Variants in COL4A3 observed in about 807,000 individuals in gnomAD.
COL4A3 encodes collagen type IV alpha 3 chain, also known as collagen alpha-3(IV) chain.
In COL4A3, 135 loss-of-function variants were observed where a neutral mutation model predicts 217.4. That is an observed-to-expected ratio of 0.62 (90% confidence interval 0.54 to 0.72). The LOEUF (loss-of-function observed/expected upper bound fraction) is 0.72. Among genes scored for constraint, COL4A3 ranks in the 30% least tolerant of loss-of-function variants. COL4A3 has a pLI of 0.00. For missense variants in COL4A3, 1,868 were observed against 2,119.9 expected (o/e 0.88, Z 2.33); for synonymous variants, 690 against 736.3 (o/e 0.94, Z 1.02).
intron 1 of COL4A3, among the ~76,000 whole-genome samples, chr2:227,205,649 T>C (rs750171188): frequency 6.6e-5 from 10 of 152,128 alleles, no homozygotes; most frequent in Non-Finnish European, 1.2e-4. Context: ...TCAATAATAG[T>C]ATTACATTCC....
At chr2:227,241,187 A>C (rs974890870) in intron 3 of COL4A3, among the ~76,000 whole-genome samples, 1 of 152,188 alleles carries the variant, frequency 6.6e-6, no homozygotes, top group African/African-American at 2.4e-5. Context: ...TAAATAACTG[A>C]ATAACCACTG....
intron 4 of COL4A3, 77 bp downstream of exon 4, chr2:227,244,441 G>A: frequency 7.6e-7 from 1 of 1,321,922 alleles, no homozygotes; most frequent in Non-Finnish European, 1.1e-6. Flanking sequence ...ATGTCAGAAA[G>A]GAGTACACTG....
intron 1 of COL4A3, among the ~76,000 whole-genome samples, chr2:227,182,715 G>A (rs1463900871): frequency 6.6e-6 from 1 of 152,076 alleles, no homozygotes. Context: ...GGAAAAAACA[G>A]ATTTGTAATA....
chr2:227,284,955 A>G (rs1170645856), intron 34 of COL4A3, among the ~76,000 whole-genome samples: 1 of 152,192 alleles, frequency 6.6e-6, no homozygotes, highest in African/African-American at 2.4e-5. Context: ...GATATGATCA[A>G]TACGACCAAT....
At chr2:227,306,092 G>A (rs993658831) in intron 47 of COL4A3, among the ~76,000 whole-genome samples, 10 of 152,084 alleles carry the variant, frequency 6.6e-5, no homozygotes, top group African/African-American at 9.7e-5. Context: ...CTTAAAGTGT[G>A]GTTTTTGAAG....
intron 46 of COL4A3, 47 bp downstream of exon 46, chr2:227,304,191 C>G: frequency 6.2e-7 from 1 of 1,611,292 alleles, no homozygotes; most frequent in Non-Finnish European, 8.5e-7. Flanking sequence ...AGTGGTTGAA[C>G]CAAAATACCT....
In COL4A3 at chr2:227,298,823, A is replaced by G. The variant is rs762961056; in HGVS notation, c.3882+11A>G. 6 of 1,612,440 alleles carry G rather than the reference A, an allele frequency of 3.7e-6. No homozygotes were observed. The South Asian group carries it at 6.6e-5, about 18-fold the overall frequency. ...CCACCAGGTCGTCTGGTGAGTATGG[A>G]TAATTATTTTGACTCATTATTAATT... On this transcript the variant is annotated intron_variant, in intron 43 of 51. Transcript: ENST00000396578.
chr2:227,255,578 T>C (rs759745380), intron 15 of COL4A3, among the ~76,000 whole-genome samples: 3 of 152,208 alleles, frequency 2.0e-5, no homozygotes, highest in Non-Finnish European at 4.4e-5. Flanking sequence ...CACTATATCT[T>C]TTATACATAT....
intron 20 of COL4A3, 88 bp from the exon 21 acceptor site, chr2:227,263,692 T>C (rs2070727738): frequency 2.3e-6 from 3 of 1,333,212 alleles, no homozygotes; most frequent in Admixed American, 4.4e-5. Flanking sequence ...TTTTTATAAA[T>C]AAAATTAAAT....
intron 47 of COL4A3, chr2:227,305,642 C>A (rs2073467931): frequency 7.3e-6 from 1 of 137,496 alleles, no homozygotes; most frequent in African/African-American, 2.8e-5. Context: ...GCACTCCAAC[C>A]TGGGTGACAG....
intron 47 of COL4A3, among the ~76,000 whole-genome samples, chr2:227,307,400 A>C (rs2073552716): frequency 4.6e-5 from 7 of 152,218 alleles, no homozygotes; most frequent in Admixed American, 4.6e-4. Flanking sequence ...ATTTATTCAT[A>C]AAAAACATAC....
intron 2 of COL4A3, among the ~76,000 whole-genome samples, chr2:227,238,689 TA>T (rs1285238900): frequency 6.6e-6 from 1 of 152,172 alleles, no homozygotes; most frequent in African/African-American, 2.4e-5. Flanking sequence ...ATGACTATTT[TA>T]AAATATTTTA....
At chr2:227,296,294 A>T (rs1480855995) in intron 41 of COL4A3, 1 of 153,696 alleles carries the variant, frequency 6.5e-6, no homozygotes, top group Non-Finnish European at 1.4e-5. Context: ...TAGCTTTAGA[A>T]TTTTGGTCAA....
At chr2:227,190,865 C>A (rs2066211101) in intron 1 of COL4A3, among the ~76,000 whole-genome samples, 1 of 152,174 alleles carries the variant, frequency 6.6e-6, no homozygotes, top group Non-Finnish European at 1.5e-5. Flanking sequence ...CAAGACCATG[C>A]CACTGCACTC....
chr2:227,288,893 G>A (rs1441602580), intron 34 of COL4A3, among the ~76,000 whole-genome samples: 3 of 151,568 alleles, frequency 2.0e-5, no homozygotes, highest in Non-Finnish European at 4.4e-5. Context: ...AAACCAGGAT[G>A]TGGATGGGTC....
Position 227,277,509 on chromosome 2 carries a change from C to A in COL4A3, c.2081C>A (p.Pro694Gln). The part of the protein sequence containing the change: ...DPGLPGPDGE[P>Q]GIPGIGFPGP... Reference sequence around the variant, plus strand: ...GGTCTTCCAGGGCCTGATGGTGAACCAGGAATTCCAGGAATTGGATTTCCT... The same window carrying A: ...GGTCTTCCAGGGCCTGATGGTGAACAAGGAATTCCAGGAATTGGATTTCCT... Residue 694 changes from proline (P) to glutamine (Q), a missense_variant, in exon 28 of 52, where the codon CCA (proline) becomes CAA (glutamine). By Grantham distance (76) the Pro-to-Gln change is moderately conservative. Coordinates refer to ENST00000396578, the MANE Select transcript of COL4A3 (RefSeq NM_000091.5). 6.2e-7 allele frequency: 1 copy of A among 1,612,458 alleles called. No homozygotes were observed. The highest frequency in any genetic ancestry group is 2.2e-5 in the East Asian group (1 of 44,868).
intron 23 of COL4A3, among the ~76,000 whole-genome samples, chr2:227,269,252 A>G (rs1452213918): frequency 6.6e-6 from 1 of 152,254 alleles, no homozygotes; most frequent in Non-Finnish European, 1.5e-5. Flanking sequence ...CACTTTTAAA[A>G]ATTTATTATA....
intron 23 of COL4A3, among the ~76,000 whole-genome samples, chr2:227,267,443 A>C (rs2070969190): frequency 6.6e-6 from 1 of 152,090 alleles, no homozygotes; most frequent in African/African-American, 2.4e-5. Flanking sequence ...TTTTTTTCTC[A>C]AAAGACACAA....
chr2:227,236,427 G>GTT (rs35474987), intron 1 of COL4A3, among the ~76,000 whole-genome samples: 9 of 151,954 alleles, frequency 5.9e-5, no homozygotes, highest in Admixed American at 1.3e-4. Context: ...GTTTGTGTGG[G>GTT]TTTTTTTGTT....
Sources: allele counts gnomAD v4.1 joint callset (sites outside exome capture counted in the v4.1 genomes callset), GRCh38; gene constraint gnomAD v4.1.1; transcripts MANE v1.5; gene names NCBI Gene and HGNC (gene_info 2026-07-23, HGNC 2026-07-21).